The following GRIK1 variants were observed in gnomAD, a reference collection of about 807,000 sequenced individuals.
GRIK1 encodes the protein glutamate receptor ionotropic, kainate 1.
A neutral mutation model predicts 105.7 loss-of-function variants in GRIK1; 69 were observed. The ratio of observed to expected loss-of-function variants is 0.65; its 90% CI spans 0.54 to 0.80. GRIK1 has a LOEUF of 0.80. Among genes scored for constraint, GRIK1 ranks in the 30% least tolerant of loss-of-function variants. The pLI is 0.00. For missense variants in GRIK1, 1,109 were observed against 1,167.3 expected (o/e 0.95, Z 0.73); for synonymous variants, 438 against 431.3 (o/e 1.02, Z -0.19).
rs1601731849 is a variant in GRIK1 at position 29,801,531 on chromosome 21, T to C, written c.119-107468A>G. ...GATCATCATTTTGACTGACTACCAG[T>C]GTGTACTAACTGGAACTATTTTCAG... is the stretch of plus-strand genomic sequence containing the variant. On this transcript the variant is annotated intron_variant, in intron 1 of 17. Transcript: ENST00000327783. Among the ~76,000 whole-genome samples the C allele has an allele frequency of 3.9e-5, 6 of 152,004 alleles. No homozygotes were observed. In the South Asian group the frequency reaches 1.2e-3, roughly 32 times the overall value.
intron 7 of GRIK1, among the ~76,000 whole-genome samples, chr21:29,625,485 T>C (rs1021745355): frequency 6.6e-6 from 1 of 151,968 alleles, no homozygotes; most frequent in African/African-American, 2.4e-5. Flanking sequence ...TTCCCAAGAG[T>C]GGAGTGTTCT....
intron 1 of GRIK1, among the ~76,000 whole-genome samples, chr21:29,800,669 G>C (rs1469561829): frequency 6.6e-6 from 1 of 152,150 alleles, no homozygotes; most frequent in Non-Finnish European, 1.5e-5. Context: ...CACGCATTAG[G>C]CTTTTGATGA....
intron 1 of GRIK1, among the ~76,000 whole-genome samples, chr21:29,887,145 G>T (rs561527059): frequency 2.0e-5 from 3 of 152,152 alleles, no homozygotes; most frequent in Non-Finnish European, 4.4e-5. Flanking sequence ...AACTTTGAAG[G>T]TTACATTAAC....
At chr21:29,689,386 G>T (rs2063542362) in intron 3 of GRIK1, among the ~76,000 whole-genome samples, 1 of 152,030 alleles carries the variant, frequency 6.6e-6, no homozygotes, top group South Asian at 2.1e-4. Context: ...CATATTCCAT[G>T]GTCATTTTCA....
chr21:29,880,555 A>G (rs112701941), intron 1 of GRIK1, among the ~76,000 whole-genome samples: 108 of 152,292 alleles, frequency 7.1e-4, no homozygotes, highest in African/African-American at 2.1e-3. Flanking sequence ...CACTAACTAC[A>G]TCTAAGAAAT....
chr21:29,790,343 G>A (rs2066379642), intron 1 of GRIK1, among the ~76,000 whole-genome samples: 1 of 151,894 alleles, frequency 6.6e-6, no homozygotes, highest in Non-Finnish European at 1.5e-5. Flanking sequence ...CACCTCGCCT[G>A]GCCAAGTCCC....
intron 16 of GRIK1, among the ~76,000 whole-genome samples, chr21:29,548,827 C>G (rs148503115): frequency 6.6e-6 from 1 of 152,272 alleles, no homozygotes; most frequent in Non-Finnish European, 1.5e-5. Context: ...AAGATTCCTA[C>G]CCACCATGTA....
chr21:29,659,415 A>T (rs1350463507), intron 4 of GRIK1, among the ~76,000 whole-genome samples: 1 of 152,244 alleles, frequency 6.6e-6, no homozygotes, highest in African/African-American at 2.4e-5. Flanking sequence ...TACAGAATTA[A>T]TTATAAGAAC....
intron 1 of GRIK1, among the ~76,000 whole-genome samples, chr21:29,782,459 A>G (rs1569087345): frequency 1.3e-5 from 2 of 152,148 alleles, no homozygotes; most frequent in Non-Finnish European, 2.9e-5. Flanking sequence ...TAAGTGCGCC[A>G]AACACTTCAC....
At chr21:29,555,609 C>G (rs2090232249) in intron 15 of GRIK1, among the ~76,000 whole-genome samples, 1 of 152,100 alleles carries the variant, frequency 6.6e-6, no homozygotes, top group Non-Finnish European at 1.5e-5. Flanking sequence ...TGAGTCTTTT[C>G]ACATGTCAAG....
At chr21:29,817,075 TA>T (rs1450576025) in intron 1 of GRIK1, among the ~76,000 whole-genome samples, 1 of 151,918 alleles carries the variant, frequency 6.6e-6, no homozygotes, top group Non-Finnish European at 1.5e-5. Context: ...TACGTATCAA[TA>T]AAAAAATGAT....
intron 1 of GRIK1, among the ~76,000 whole-genome samples, chr21:29,905,961 G>T (rs2735698): frequency 0.97 from 147,262 of 151,502 alleles, 71,534 homozygotes; most frequent in East Asian, 1. Context: ...TTGTTTGTTT[G>T]TTTTAAATAT....
intron 10 of GRIK1, among the ~76,000 whole-genome samples, chr21:29,589,424 C>CTTT (rs71822803): frequency 2.2e-5 from 3 of 137,272 alleles, no homozygotes; most frequent in Admixed American, 7.3e-5. Flanking sequence ...ACCCTTCTGG[C>CTTT]TTTTTTTTTT....
intron 7 of GRIK1, among the ~76,000 whole-genome samples, chr21:29,603,294 A>G (rs373009723): frequency 6.6e-6 from 1 of 151,916 alleles, no homozygotes; most frequent in East Asian, 1.9e-4. Flanking sequence ...TTTTTCCTCT[A>G]AGCTGTCTCG....
chr21:29,601,256 T>C (rs553927995), intron 7 of GRIK1: 8 of 507,198 alleles, frequency 1.6e-5, no homozygotes, highest in Non-Finnish European at 2.8e-5. Context: ...CACCTGTTCT[T>C]GAGAACAGGA....
At chr21:29,655,086 T>C (rs2062823249) in intron 4 of GRIK1, among the ~76,000 whole-genome samples, 1 of 152,164 alleles carries the variant, frequency 6.6e-6, no homozygotes, top group Non-Finnish European at 1.5e-5. Flanking sequence ...TTGACCTACA[T>C]CGAAGTAATG....
At chr21:29,602,497 T>C (rs1449644334) in intron 7 of GRIK1, among the ~76,000 whole-genome samples, 1 of 152,110 alleles carries the variant, frequency 6.6e-6, no homozygotes, top group Non-Finnish European at 1.5e-5. Flanking sequence ...ATAAAGCACT[T>C]TAGGTTTGAG....
chr21:29,675,464 T>G (rs1016879922), intron 3 of GRIK1, among the ~76,000 whole-genome samples: 2 of 152,234 alleles, frequency 1.3e-5, no homozygotes, highest in Non-Finnish European at 2.9e-5. Context: ...TTTTGTGTGC[T>G]TCAATGAACT....
chr21:29,548,937 C>G (rs73897679), intron 16 of GRIK1, among the ~76,000 whole-genome samples: 1 of 152,034 alleles, frequency 6.6e-6, no homozygotes, highest in African/African-American at 2.4e-5. Flanking sequence ...TAATTTTTTT[C>G]CCTTATTTCA....
Sources: allele counts gnomAD v4.1 joint callset (sites outside exome capture counted in the v4.1 genomes callset), GRCh38; gene constraint gnomAD v4.1.1; transcripts MANE v1.5; gene names NCBI Gene and HGNC (gene_info 2026-07-23, HGNC 2026-07-21).